The following LPP variants were observed in gnomAD, a reference collection of about 807,000 sequenced individuals.
The protein encoded by LPP is lipoma-preferred partner.
Under a neutral mutation model 60.4 loss-of-function variants are expected in LPP, and 38 were observed. That is an observed-to-expected ratio of 0.63 (90% CI 0.49 to 0.83). The LOEUF is 0.83. LPP is among the 40% of genes least tolerant of loss of function. LPP has a pLI of 0.00. For missense variants in LPP, 902 were observed against 783.6 expected (o/e 1.15, Z -1.80); for synonymous variants, 328 against 290.8 (o/e 1.13, Z -1.30).
At chr3:188,224,535 G>A (rs544579491) in intron 1 of LPP, among the ~76,000 whole-genome samples, 2 of 152,260 alleles carry the variant, frequency 1.3e-5, no homozygotes, top group South Asian at 4.2e-4. Context: ...TTGCCATAAA[G>A]AAATAGCTGA....
chr3:188,865,208 G>A (rs888521769), intron 9 of LPP, among the ~76,000 whole-genome samples: 2 of 152,180 alleles, frequency 1.3e-5, no homozygotes, highest in Non-Finnish European at 2.9e-5. Flanking sequence ...AGGGCAGGAT[G>A]GAAAGTTAAC....
intron 6 of LPP, among the ~76,000 whole-genome samples, chr3:188,608,048 G>A (rs910520695): frequency 1.3e-5 from 2 of 152,078 alleles, no homozygotes; most frequent in Non-Finnish European, 2.9e-5. Context: ...GTCTCTCCCT[G>A]TCCCCCAGTC....
chr3:188,231,174 G>A (rs1272682527), intron 2 of LPP, among the ~76,000 whole-genome samples: 2 of 152,132 alleles, frequency 1.3e-5, no homozygotes, highest in Non-Finnish European at 1.5e-5. Flanking sequence ...TACGAGAAGC[G>A]AGTCACTAGG....
chr3:188,524,784 A>G lies in LPP; in HGVS notation c.426A>G (p.Pro142=). The G allele has an allele frequency of 6.2e-7, 1 of 1,613,440 alleles. No homozygotes were observed. Among genetic ancestry groups the G allele is most frequent in the East Asian group, 2.2e-5 (1 of 44,844 alleles). The change falls in exon 6 of 12, where the codon CCA becomes CCG. Residue 142 remains proline, a synonymous_variant. Transcript: ENST00000617246. The part of the protein sequence containing the change: ...ECSSPYKPRP[P]QSSTGSTASP... Reference sequence around the variant, plus strand: ...GCTCCCCCTATAAGCCTCGGCCTCCACAGGTTAGTGCAGCCCACAATCATC... The same window carrying G: ...GCTCCCCCTATAAGCCTCGGCCTCCGCAGGTTAGTGCAGCCCACAATCATC...
At chr3:188,867,203 C>T (rs972417135) in intron 10 of LPP, among the ~76,000 whole-genome samples, 2 of 149,942 alleles carry the variant, frequency 1.3e-5, no homozygotes, top group African/African-American at 4.9e-5. Context: ...TTGTATTGTG[C>T]TTATTTTTAT....
intron 6 of LPP, among the ~76,000 whole-genome samples, chr3:188,574,819 C>T (rs1313279323): frequency 6.6e-6 from 1 of 151,978 alleles, no homozygotes; most frequent in Non-Finnish European, 1.5e-5. Flanking sequence ...GAAATAAAGA[C>T]AATAAAAGTG....
intron 3 of LPP, among the ~76,000 whole-genome samples, chr3:188,379,017 A>G (rs2151182216): frequency 6.6e-6 from 1 of 151,848 alleles, no homozygotes; most frequent in African/African-American, 2.4e-5. Flanking sequence ...GCCTTGCTTG[A>G]GGGCAGGAGC....
chr3:188,386,424 A>G (rs2148625177), intron 3 of LPP, among the ~76,000 whole-genome samples: 1 of 152,182 alleles, frequency 6.6e-6, no homozygotes, highest in Admixed American at 6.5e-5. Flanking sequence ...ACCCCTCAAA[A>G]TTCACATTAC....
At chr3:188,737,084 A>T (rs1257759114) in intron 8 of LPP, among the ~76,000 whole-genome samples, 1 of 151,556 alleles carries the variant, frequency 6.6e-6, no homozygotes, top group Non-Finnish European at 1.5e-5. Flanking sequence ...CCCAATAATC[A>T]GATTACATGT....
In LPP at chr3:188,341,723, A is replaced by C; in HGVS notation, c.-10+4A>C. The C allele has an allele frequency of 1.1e-5, 11 of 983,186 alleles. No individual in the cohort carries two copies. Among genetic ancestry groups the C allele is most frequent in the Non-Finnish European group, 1.3e-5 (11 of 827,904 alleles). 60.9% of individuals were successfully genotyped at this position (983,186 alleles called of 1,614,324 possible). On this transcript the variant is annotated splice_donor_region_variant and intron_variant, in intron 3 of 11. Coordinates refer to ENST00000617246, the MANE Select transcript of LPP (RefSeq NM_001375462.1). ...TTCCAGGAGCCAGCTATCTGAGGTAAGAGAGGAGGCGTGTCTTCTTGTTTA... is the reference window on the plus strand; with the variant it reads ...TTCCAGGAGCCAGCTATCTGAGGTACGAGAGGAGGCGTGTCTTCTTGTTTA...
chr3:188,356,962 G>T (rs549192966), intron 3 of LPP, among the ~76,000 whole-genome samples: 1 of 152,158 alleles, frequency 6.6e-6, no homozygotes, highest in Non-Finnish European at 1.5e-5. Context: ...GGGGAGGTGG[G>T]TGAATGCCCA....
rs55811112 is a variant in LPP, at chr3:188,248,468, TTATATA to T, written c.-67+22966_-67+22971del. ...CCTAGTGTTCAGCTGCAGTATAACT[TTATATA>T]TATATATATATATATATATATATAC... is the stretch of plus-strand genomic sequence containing the variant. On this transcript the variant is annotated intron_variant, in intron 2 of 11. Transcript: ENST00000617246. Among the ~76,000 whole-genome samples, 171 of 84,150 alleles carry T rather than the reference TTATATA, an allele frequency of 2.0e-3. 13 individuals carry two copies. The highest frequency in any genetic ancestry group is 7.8e-3 in the African/African-American group (147 of 18,830). 55.2% of individuals were successfully genotyped at this position (84,150 alleles called of 152,430 possible). A position where few individuals can be genotyped will look rare whatever the true frequency, so the allele number is the denominator to read the frequency against.
At chr3:188,551,701 G>A (rs1227618129) in intron 6 of LPP, among the ~76,000 whole-genome samples, 1 of 152,126 alleles carries the variant, frequency 6.6e-6, no homozygotes, top group Admixed American at 6.6e-5. Context: ...GTGGGTTGAG[G>A]AAGATTGTGT....
rs11917771 is a variant in LPP at position 188,515,894 on chromosome 3, T to A, written c.307-8771T>A. Among the ~76,000 whole-genome samples, 1,181 of 151,922 alleles carry A rather than the reference T, an allele frequency of 7.8e-3. 20 individuals carry two copies. The highest frequency in any genetic ancestry group is 0.026 in the African/African-American group (1,099 of 41,522). On this transcript the variant is annotated intron_variant, in intron 5 of 11. Transcript: ENST00000617246. Reference sequence around the variant, plus strand: ...ATCAAATAACATAGTGAATTTGATATCTCTAGGCAAAAGTGCAAGTGATAT... The same window carrying A: ...ATCAAATAACATAGTGAATTTGATAACTCTAGGCAAAAGTGCAAGTGATAT...
chr3:188,461,662 A>G (rs1480105054), intron 4 of LPP, among the ~76,000 whole-genome samples: 1 of 152,180 alleles, frequency 6.6e-6, no homozygotes, highest in Non-Finnish European at 1.5e-5. Flanking sequence ...CACAGAATTT[A>G]TTAAGTATTT....
In LPP at chr3:188,775,302, C is replaced by A. The variant is rs1025445027; in HGVS notation, c.1410+15020C>A. On this transcript the variant is annotated intron_variant, in intron 9 of 11. Coordinates refer to ENST00000617246, the MANE Select transcript of LPP (RefSeq NM_001375462.1). Reference sequence around the variant, plus strand: ...TCCTGACCTCGTGATCCACCTGCTTCAGCCTCCCAAGGTGCTGGGATTACA... The same window carrying A: ...TCCTGACCTCGTGATCCACCTGCTTAAGCCTCCCAAGGTGCTGGGATTACA... Among the ~76,000 whole-genome samples, 25 of 152,152 alleles carry A rather than the reference C, an allele frequency of 1.6e-4. 1 individual carries two copies. Among genetic ancestry groups the A allele is most frequent in the African/African-American group, 6.0e-4 (25 of 41,442 alleles).
chr3:188,550,698 CACTTACTGGCTTTA>C (rs1827903166), intron 6 of LPP, among the ~76,000 whole-genome samples: 1 of 151,614 alleles, frequency 6.6e-6, no homozygotes, highest in Non-Finnish European at 1.5e-5. Context: ...TGGTTAGCTG[CACTTACTGGCTTTA>C]GGTTGCTGGT....
intron 2 of LPP, among the ~76,000 whole-genome samples, chr3:188,253,105 G>A (rs1253558493): frequency 6.1e-5 from 9 of 148,724 alleles, no homozygotes; most frequent in African/African-American, 1.5e-4. Context: ...TGGGTTTTTG[G>A]TCTTTTTTTC....
chr3:188,602,119 C>CAT (rs745894414), intron 6 of LPP, among the ~76,000 whole-genome samples: 2 of 125,398 alleles, frequency 1.6e-5, no homozygotes, highest in African/African-American at 3.1e-5. Flanking sequence ...CACACACACA[C>CAT]ATATATATAG....
Sources: allele counts gnomAD v4.1 joint callset (sites outside exome capture counted in the v4.1 genomes callset), GRCh38; gene constraint gnomAD v4.1.1; transcripts MANE v1.5; gene names NCBI Gene and HGNC (gene_info 2026-07-23, HGNC 2026-07-21).